The following CLSTN2 variants were observed in gnomAD, a reference collection of about 807,000 sequenced individuals.
CLSTN2 encodes calsyntenin 2.
A neutral mutation model predicts 101.2 loss-of-function variants in CLSTN2; 48 were observed. The observed-to-expected ratio is 0.47, with a 90% CI of 0.38 to 0.60. The LOEUF is 0.60. Ranked by LOEUF, CLSTN2 falls within the 20% of genes least tolerant of loss-of-function variation. The pLI is 0.00. For synonymous variants in CLSTN2, 481 were observed against 463.6 expected, an observed-to-expected ratio of 1.04 and a Z score of -0.48; for missense variants, 1,160 against 1,238.2, an observed-to-expected ratio of 0.94 and a Z score of 0.95.
intron 1 of CLSTN2, among the ~76,000 whole-genome samples, chr3:139,998,639 T>A (rs891243376): frequency 6.6e-6 from 1 of 152,076 alleles, no homozygotes; most frequent in African/African-American, 2.4e-5. Context: ...CCACCGTGCC[T>A]GGCCACTTTT....
chr3:140,420,964 A>G (rs190932756), intron 4 of CLSTN2, among the ~76,000 whole-genome samples, 161 bp from the exon 5 acceptor site: 6 of 152,374 alleles, frequency 3.9e-5, no homozygotes, highest in Non-Finnish European at 1.5e-5. Flanking sequence ...TAAGCACGCT[A>G]CAAGTGGAGC....
chr3:140,377,283 TACTC>T (rs1353988430), intron 2 of CLSTN2, among the ~76,000 whole-genome samples: 2 of 152,236 alleles, frequency 1.3e-5, no homozygotes, highest in Non-Finnish European at 2.9e-5. Context: ...TAGGACATAA[TACTC>T]AATAATGATA....
At chr3:140,462,854 G>A (rs1424710878) in intron 7 of CLSTN2, 1 of 152,222 alleles carries the variant, frequency 6.6e-6, no homozygotes, top group Non-Finnish European at 1.5e-5. Context: ...AGAAAGTAAG[G>A]CTAGAGCTGA....
At chr3:140,029,366 A>G (rs2107759105) in intron 1 of CLSTN2, among the ~76,000 whole-genome samples, 1 of 152,330 alleles carries the variant, frequency 6.6e-6, no homozygotes, top group Middle Eastern at 3.4e-3. Context: ...GACTAAAAGT[A>G]TATAGTATAC....
chr3:140,183,809 A>C (rs774713537), intron 2 of CLSTN2, among the ~76,000 whole-genome samples: 3 of 152,134 alleles, frequency 2.0e-5, no homozygotes, highest in Non-Finnish European at 4.4e-5. Flanking sequence ...TTTAACAACA[A>C]TCCTCTGAAA....
intron 1 of CLSTN2, among the ~76,000 whole-genome samples, chr3:140,170,342 T>C (rs917170289): frequency 6.6e-6 from 1 of 152,150 alleles, no homozygotes; most frequent in African/African-American, 2.4e-5. Flanking sequence ...AGACAAAGGA[T>C]AGAAGGCAAT....
chr3:140,133,281 C>A (rs115788130), intron 1 of CLSTN2, among the ~76,000 whole-genome samples: 6,305 of 152,210 alleles, frequency 0.041, 440 homozygotes, highest in African/African-American at 0.14. Context: ...GAGGGATCCG[C>A]CTCCATGACC....
intron 1 of CLSTN2, among the ~76,000 whole-genome samples, chr3:140,117,543 G>A (rs539470191): frequency 4.6e-5 from 7 of 152,172 alleles, no homozygotes; most frequent in African/African-American, 1.2e-4. Flanking sequence ...ATGGAAGGGA[G>A]CTAATTAAAA....
At chr3:140,446,272 C>T (rs192286879) in intron 5 of CLSTN2, among the ~76,000 whole-genome samples, 6 of 152,270 alleles carry the variant, frequency 3.9e-5, no homozygotes, top group Admixed American at 2.0e-4. Flanking sequence ...CCAGATACAG[C>T]TCCTAAAGAC....
intron 2 of CLSTN2, among the ~76,000 whole-genome samples, chr3:140,286,087 C>A (rs925650239): frequency 6.6e-6 from 1 of 152,234 alleles, no homozygotes; most frequent in African/African-American, 2.4e-5. Context: ...GTCCAGATGG[C>A]CCCTGGAGCA....
chr3:140,197,664 G>C (rs1234775756), intron 2 of CLSTN2, among the ~76,000 whole-genome samples: 2 of 152,136 alleles, frequency 1.3e-5, no homozygotes, highest in Admixed American at 1.3e-4. Context: ...TTGTCTTAAT[G>C]GGAGATTATA....
chr3:140,162,638 G>A (rs1021994846), intron 1 of CLSTN2, among the ~76,000 whole-genome samples: 1 of 152,124 alleles, frequency 6.6e-6, no homozygotes, highest in Non-Finnish European at 1.5e-5. Flanking sequence ...GGTGGCGGGG[G>A]CCTTTTTGCT....
At chr3:140,264,710 C>G (rs1366532400) in intron 2 of CLSTN2, among the ~76,000 whole-genome samples, 1 of 151,986 alleles carries the variant, frequency 6.6e-6, no homozygotes, top group Non-Finnish European at 1.5e-5. Context: ...TCTCAAGCCT[C>G]TTTGGTAAGT....
chr3:140,532,454 C>T lies in CLSTN2; in HGVS notation c.1475C>T (p.Ala492Val). The change falls in exon 9 of 17, where the codon GCC (alanine) becomes GTC (valine). Residue 492 changes from alanine (A) to valine (V), a missense_variant. By Grantham distance (64) the Ala-to-Val change is moderately conservative (BLOSUM62 0). Transcript: ENST00000458420. ...TGGCCCATTCATCCATCTCACATAG[C>T]CATGCAACTCACAGTCGGCGCTTGT... Reference protein sequence around the residue: ...NDWPIHPSHIAMQLTVGACWQ... With the variant: ...NDWPIHPSHIVMQLTVGACWQ... The T allele has an allele frequency of 6.2e-7, 1 of 1,613,742 alleles. No individual in the cohort carries two copies. Among genetic ancestry groups the T allele is most frequent in the Non-Finnish European group, 8.5e-7 (1 of 1,179,796 alleles).
chr3:140,471,967 G>A (rs563342), intron 8 of CLSTN2, among the ~76,000 whole-genome samples: 1 of 152,032 alleles, frequency 6.6e-6, no homozygotes, highest in Non-Finnish European at 1.5e-5. Context: ...AAGCTACTAT[G>A]TTGATACAAG....
chr3:140,333,209 C>A (rs1409010411), intron 2 of CLSTN2, among the ~76,000 whole-genome samples: 2 of 152,190 alleles, frequency 1.3e-5, no homozygotes, highest in Non-Finnish European at 2.9e-5. Context: ...TCAGCATCAT[C>A]CACCTCCTTC....
chr3:140,378,955 G>A (rs1044746992), intron 2 of CLSTN2, among the ~76,000 whole-genome samples: 3 of 152,148 alleles, frequency 2.0e-5, no homozygotes, highest in Non-Finnish European at 2.9e-5. Context: ...AGCAATCAGT[G>A]CAACTTAAAT....
intron 1 of CLSTN2, among the ~76,000 whole-genome samples, chr3:140,158,187 T>A (rs1429097250): frequency 6.6e-6 from 1 of 152,188 alleles, no homozygotes; most frequent in African/African-American, 2.4e-5. Flanking sequence ...TTCAACATAG[T>A]ACTGGAAGTC....
At chr3:139,940,495 T>C (rs2107806268) in intron 1 of CLSTN2, among the ~76,000 whole-genome samples, 1 of 151,942 alleles carries the variant, frequency 6.6e-6, no homozygotes, top group Admixed American at 6.6e-5. Flanking sequence ...GACTAATTAT[T>C]GATCACTTGA....
Sources: gnomAD v4.1 joint callset for allele counts (sites outside exome capture counted in the v4.1 genomes callset) on GRCh38, gnomAD v4.1.1 for gene constraint, MANE v1.5 for transcripts, NCBI Gene and HGNC (gene_info 2026-07-23, HGNC 2026-07-21) for gene names.